Variants in LOC400499 observed in about 807,000 individuals in gnomAD.
the LOC400499 span, among the ~76,000 whole-genome samples, chr16:11,422,125 G>A: frequency 6.6e-6 from 1 of 152,222 alleles, no homozygotes; most frequent in Non-Finnish European, 1.5e-5. Context: ...GAGCAGGCTG[G>A]GTACATGGCC....
the LOC400499 span, among the ~76,000 whole-genome samples, chr16:11,413,384 G>A: frequency 6.6e-6 from 1 of 152,172 alleles, no homozygotes; most frequent in Non-Finnish European, 1.5e-5. Context: ...TCCTACAGCA[G>A]AGTGGACTGG....
the LOC400499 span, chr16:11,459,887 C>G: frequency 7.3e-7 from 1 of 1,370,282 alleles, no homozygotes; most frequent in Non-Finnish European, 9.5e-7. Flanking sequence ...CCGCAGTGGC[C>G]AGGCTCACCT....
At chr16:11,516,160 G>C in the LOC400499 span, 1 of 399,886 alleles carries the variant, frequency 2.5e-6, no homozygotes. Context: ...AGGTCTTGGG[G>C]CTGTGGGCCC....
chr16:11,452,134 T>C, the LOC400499 span, among the ~76,000 whole-genome samples: 3 of 152,022 alleles, frequency 2.0e-5, no homozygotes, highest in African/African-American at 4.8e-5. Flanking sequence ...TTTCACTTTA[T>C]AGATCACAGT....
At chr16:11,427,405 A>T in the LOC400499 span, among the ~76,000 whole-genome samples, 2 of 151,158 alleles carry the variant, frequency 1.3e-5, no homozygotes, top group African/African-American at 2.4e-5. Flanking sequence ...ATCAACAGGG[A>T]AATGCAAATT....
the LOC400499 span, among the ~76,000 whole-genome samples, chr16:11,406,780 A>G: frequency 3.0e-4 from 46 of 152,270 alleles, 1 homozygote; most frequent in South Asian, 7.5e-3. Flanking sequence ...CCGCTAGCTC[A>G]TGTGTCGTCT....
chr16:11,416,495 G>A, the LOC400499 span, among the ~76,000 whole-genome samples: 21 of 152,220 alleles, frequency 1.4e-4, 1 homozygote, highest in South Asian at 3.3e-3. Context: ...TCATAGGCTC[G>A]TTCATGCACC....
the LOC400499 span, among the ~76,000 whole-genome samples, chr16:11,510,597 TTTCCCCCTCCCAGG>T: frequency 6.6e-6 from 1 of 151,622 alleles, no homozygotes; most frequent in Non-Finnish European, 1.5e-5. Flanking sequence ...CCATCAATGA[TTTCCCCCTCCCAGG>T]AGGGTGTCAG....
the LOC400499 span, among the ~76,000 whole-genome samples, chr16:11,479,324 T>A: frequency 1.3e-5 from 2 of 152,132 alleles, no homozygotes; most frequent in Non-Finnish European, 2.9e-5. Flanking sequence ...ACGGAAAAGT[T>A]GAAAACTGGC....
the LOC400499 span, among the ~76,000 whole-genome samples, chr16:11,452,191 C>A: frequency 1.4e-5 from 2 of 141,936 alleles, no homozygotes; most frequent in African/African-American, 5.2e-5. Context: ...TCTGGTTGCT[C>A]AGTTTTTTTG....
chr16:11,494,505 A>T, the LOC400499 span: 3 of 266,152 alleles, frequency 1.1e-5, no homozygotes, highest in Admixed American at 5.3e-5. Flanking sequence ...CTCCACCTGG[A>T]GCTTGCCTGA....
chr16:11,410,574 C>A, the LOC400499 span, among the ~76,000 whole-genome samples: 25,018 of 152,286 alleles, frequency 0.16, 2,141 homozygotes, highest in East Asian at 0.2. Flanking sequence ...CAGCACATAG[C>A]GCATGCTCTG....
chr16:11,494,476 G>A, the LOC400499 span: 4 of 391,696 alleles, frequency 1.0e-5, no homozygotes, highest in Middle Eastern at 1.3e-3. Context: ...GGGCAAAGGG[G>A]GGAACCCACC....
the LOC400499 span, chr16:11,476,828 T>C: frequency 7.5e-6 from 3 of 399,286 alleles, no homozygotes; most frequent in Non-Finnish European, 1.3e-5. Context: ...ACCCGGCCCT[T>C]CTGCACCTGG....
At chr16:11,461,365 G>C in the LOC400499 span, among the ~76,000 whole-genome samples, 2 of 152,124 alleles carry the variant, frequency 1.3e-5, no homozygotes, top group Admixed American at 1.3e-4. Flanking sequence ...AACTACAGAC[G>C]TGTGCCACCA....
At chr16:11,490,123 A>C in the LOC400499 span, among the ~76,000 whole-genome samples, 1 of 152,184 alleles carries the variant, frequency 6.6e-6, no homozygotes, top group African/African-American at 2.4e-5. Context: ...GGCTGGACCC[A>C]GTGGCTCATC....
At chr16:11,478,140 C>G in the LOC400499 span, 3 of 389,094 alleles carry the variant, frequency 7.7e-6, no homozygotes, top group African/African-American at 4.1e-5. Flanking sequence ...TTGGGAAACC[C>G]TGTACTAAAA....
At chr16:11,432,174 G>A in the LOC400499 span, among the ~76,000 whole-genome samples, 1 of 152,242 alleles carries the variant, frequency 6.6e-6, no homozygotes, top group Non-Finnish European at 1.5e-5. Context: ...GCTGGGAACT[G>A]ACTCAGCTGA....
chr16:11,469,055 G>A, the LOC400499 span: 1 of 397,922 alleles, frequency 2.5e-6, no homozygotes, highest in Non-Finnish European at 4.4e-6. Flanking sequence ...TTAACTGGCA[G>A]GTAGAAAGGG....
Sources: gnomAD v4.1 joint callset for allele counts (sites outside exome capture counted in the v4.1 genomes callset) on GRCh38, gnomAD v4.1.1 for gene constraint, MANE v1.5 for transcripts.